Variants in ATP2B1 observed in about 807,000 individuals in gnomAD.
The protein encoded by ATP2B1 is plasma membrane calcium-transporting ATPase 1.
ATP2B1 carries 14 observed loss-of-function variants against 124.2 expected under a neutral mutation model. The observed-to-expected ratio is 0.11, with a 90% CI of 0.07 to 0.18. The LOEUF (loss-of-function observed/expected upper bound fraction) is 0.18, where lower values mean the gene tolerates loss of function less well. Ranked by LOEUF, ATP2B1 falls within the 10% of genes least tolerant of loss-of-function variation. The probability of loss-of-function intolerance (pLI) is 1.00; values close to 1 mark genes in which losing one functional copy is unlikely to be tolerated. For missense variants in ATP2B1, 763 were observed against 1,466.1 expected, an observed-to-expected ratio of 0.52 and a Z score of 7.83; for synonymous variants, 449 against 492.4, an observed-to-expected ratio of 0.91 and a Z score of 1.17.
chr12:89,592,474 G>A (rs1873766376), intron 20 of ATP2B1, among the ~76,000 whole-genome samples: 1 of 152,038 alleles, frequency 6.6e-6, no homozygotes, highest in Non-Finnish European at 1.5e-5. Context: ...AAAATGTAAT[G>A]TAGAGTTTAG....
In ATP2B1 at chr12:89,610,477, G is replaced by A. The variant is rs1329936392; in HGVS notation, c.2279C>T (p.Pro760Leu). 6.2e-7 allele frequency: 1 copy of A among 1,613,542 alleles called. No homozygotes were observed. The highest frequency in any genetic ancestry group is 8.5e-7 in the Non-Finnish European group (1 of 1,179,738). Residue 760 changes from proline (P) to leucine (L), a missense_variant, in exon 14 of 21, where the codon CCA (proline) becomes CTA (leucine). Pro to Leu is a moderately conservative substitution (Grantham distance 98). Coordinates refer to ENST00000428670, the MANE Select transcript of ATP2B1 (RefSeq NM_001366521.1). ...IEQERIDKIW[P>L]KLRVLARSSP... is the part of the protein sequence containing the mutation. ...TGATCTTGCAAGTACTCGAAGTTTT[G>A]GCCAAATCTTGTCTATCCTCTCTTG... is the stretch of plus-strand genomic sequence containing the variant.
At chr12:89,696,151 T>C (rs933995152) in intron 1 of ATP2B1, among the ~76,000 whole-genome samples, 6 of 152,146 alleles carry the variant, frequency 3.9e-5, no homozygotes, top group East Asian at 1.9e-4. Flanking sequence ...AAAATATGAA[T>C]TCTTAAAAGT....
At chr12:89,618,308 C>T (rs1206668712) in intron 11 of ATP2B1, among the ~76,000 whole-genome samples, 2 of 152,196 alleles carry the variant, frequency 1.3e-5, no homozygotes, top group African/African-American at 4.8e-5. Context: ...CACCAGGCTT[C>T]ACACTAGACA....
chr12:89,630,418 A>T (rs1000080932), intron 6 of ATP2B1, 87 bp downstream of exon 6: 24 of 1,191,330 alleles, frequency 2.0e-5, no homozygotes, highest in Non-Finnish European at 2.6e-5. Flanking sequence ...AATTTTTCAT[A>T]CCAGAATCTC....
intron 1 of ATP2B1, among the ~76,000 whole-genome samples, chr12:89,677,971 T>TATATATACACACAC (rs1461216851): frequency 1.9e-5 from 1 of 52,308 alleles, no homozygotes; most frequent in Non-Finnish European, 4.0e-5. Context: ...TATATATATA[T>TATATATACACACAC]ACACACACAC....
intron 11 of ATP2B1, among the ~76,000 whole-genome samples, chr12:89,618,849 A>G (rs1879460396): frequency 6.6e-6 from 1 of 152,242 alleles, no homozygotes; most frequent in Non-Finnish European, 1.5e-5. Context: ...AACTAATTGT[A>G]AAGTGTTCAT....
chr12:89,661,255 T>C (rs539532803), intron 1 of ATP2B1, among the ~76,000 whole-genome samples: 98 of 152,322 alleles, frequency 6.4e-4, no homozygotes, highest in South Asian at 4.1e-3. Context: ...TCAGAGTAAT[T>C]ACTGATTTTT....
rs190227630 is a variant in ATP2B1, at chr12:89,656,948, T to C, written c.-221-841A>G. Among the ~76,000 whole-genome samples the C allele has an allele frequency of 3.3e-5, 5 of 152,334 alleles. No homozygotes were observed. In the East Asian group the frequency reaches 7.7e-4, roughly 23 times the overall value. ...ACCTAGAACTGTACCAGACACATGG[T>C]AGACACTCAGTAAAAGTTTGAGGAA... On this transcript the variant is annotated intron_variant, in intron 1 of 20. Coordinates refer to ENST00000428670, the MANE Select transcript of ATP2B1 (RefSeq NM_001366521.1).
chr12:89,675,209 G>C (rs1206283732), intron 1 of ATP2B1, among the ~76,000 whole-genome samples: 7 of 152,082 alleles, frequency 4.6e-5, no homozygotes. Context: ...CTGAAAAAGG[G>C]AAAAGATCCC....
intron 19 of ATP2B1, among the ~76,000 whole-genome samples, chr12:89,599,707 G>A (rs998591335): frequency 2.6e-5 from 4 of 151,646 alleles, no homozygotes; most frequent in African/African-American, 9.7e-5. Flanking sequence ...AGAGTTCAAT[G>A]AGAAAAAATG....
rs764671383 is a variant in ATP2B1, at chr12:89,627,660, T to C, written c.967+18A>G. ...TAATGAAAACAAGCTCACTGTACTT[T>C]TGTCCTCCTAAATTTACCTTTGTTG... On this transcript the variant is annotated intron_variant, in intron 7 of 20. Coordinates refer to ENST00000428670, the MANE Select transcript of ATP2B1 (RefSeq NM_001366521.1). 5.0e-6 allele frequency: 8 copies of C among 1,612,640 alleles called. No individual in the cohort carries two copies. The Admixed American group carries it at 6.7e-5, about 13-fold the overall frequency.
intron 3 of ATP2B1, among the ~76,000 whole-genome samples, chr12:89,637,366 T>A (rs1465214146): frequency 1.3e-5 from 2 of 152,184 alleles, no homozygotes; most frequent in African/African-American, 4.8e-5. Flanking sequence ...CTAAATCAGG[T>A]TAACAATAAT....
chr12:89,605,596 T>G (rs534812102), intron 15 of ATP2B1, among the ~76,000 whole-genome samples: 24 of 152,282 alleles, frequency 1.6e-4, no homozygotes, highest in African/African-American at 5.1e-4. Context: ...GTTCATGAAT[T>G]ATTAAGTCTT....
intron 20 of ATP2B1, among the ~76,000 whole-genome samples, chr12:89,596,310 T>TTCTAC (rs1874601910): frequency 6.6e-6 from 1 of 152,134 alleles, no homozygotes; most frequent in African/African-American, 2.4e-5. Context: ...AAATCTGGAA[T>TTCTAC]GTAGAACCCT....
In ATP2B1 at chr12:89,588,260, A is replaced by C. The variant is rs1872970836; in HGVS notation, c.*2724T>G. The C allele has an allele frequency of 6.6e-6, 1 of 152,604 alleles. No homozygotes were observed. The highest frequency in any genetic ancestry group is 6.6e-5 in the Admixed American group (1 of 15,258). 9.5% of individuals were successfully genotyped at this position (152,604 alleles called of 1,614,324 possible). A position where few individuals can be genotyped will look rare whatever the true frequency, so the allele number is the denominator to read the frequency against. On this transcript the variant is annotated 3_prime_UTR_variant, in exon 21 of 21. Transcript: ENST00000428670. ...AAATGAAGCCAGTTTTTTTCTTATA[A>C]ACAAATCACCAATTCTTGGTTCAAA...
In ATP2B1 at chr12:89,603,063, A is replaced by C; in HGVS notation, c.3040T>G (p.Leu1014Val). The C allele has an allele frequency of 6.2e-7, 1 of 1,613,760 alleles. No individual in the cohort carries two copies. The highest frequency in any genetic ancestry group is 1.1e-5 in the South Asian group (1 of 91,016). ...CCCACCTGTACCACAAAAGTGCCTA[A>C]AACAATTGTGCAGAAGATGGCATTG... ...FNNAIFCTIV[L>V]GTFVVQIIIV... Residue 1014 changes from leucine to valine, a missense_variant, in exon 18 of 21, where the codon TTA becomes GTA. By Grantham distance (32) the Leu-to-Val change is conservative. Coordinates refer to ENST00000428670, the MANE Select transcript of ATP2B1 (RefSeq NM_001366521.1). This position sits in a 1 kb window ranked among gnomAD's most constrained non-coding sequence, Gnocchi z 4.3.
chr12:89,630,772 A>AAGATATAAATATATATATTATATAAATAT, intron 5 of ATP2B1, 127 bp from the exon 6 acceptor site: 1 of 203,934 alleles, frequency 4.9e-6, no homozygotes, highest in Non-Finnish European at 9.3e-6. Flanking sequence ...TATAAATATA[A>AAGATATAAATATATATATTATATAAATAT]ATATATAAAT....
intron 1 of ATP2B1, among the ~76,000 whole-genome samples, chr12:89,686,754 G>C (rs961251825): frequency 6.6e-6 from 1 of 152,044 alleles, no homozygotes; most frequent in Non-Finnish European, 1.5e-5. Context: ...GAAATTACAT[G>C]ATTCATGTAT....
At chr12:89,691,461 T>C (rs1890550162) in intron 1 of ATP2B1, among the ~76,000 whole-genome samples, 1 of 152,184 alleles carries the variant, frequency 6.6e-6, no homozygotes, top group South Asian at 2.1e-4. Context: ...ATAAGATATT[T>C]GCCATAAGCT....
Sources: gnomAD v4.1 joint callset for allele counts (sites outside exome capture counted in the v4.1 genomes callset) on GRCh38, gnomAD v4.1.1 for gene constraint, Gnocchi (gnomAD v3.1) non-coding constraint, MANE v1.5 for transcripts, NCBI Gene and HGNC (gene_info 2026-07-23, HGNC 2026-07-21) for gene names.